The following MYDGF variants were observed in gnomAD, a reference collection of about 807,000 sequenced individuals.
MYDGF encodes the protein myeloid-derived growth factor.
A neutral mutation model predicts 24.2 loss-of-function variants in MYDGF; 29 were observed. That is an observed-to-expected ratio of 1.20 (90% CI 0.89 to 1.63). MYDGF has a LOEUF of 1.63. MYDGF is among the 40% of genes most tolerant of loss of function. The probability of loss-of-function intolerance (pLI) is 0.00; values close to 1 mark genes in which losing one functional copy is unlikely to be tolerated. For missense variants in MYDGF, 245 were observed against 234.8 expected (o/e 1.04, Z -0.29); for synonymous variants, 105 against 102.5 (o/e 1.02, Z -0.15).
chr19:4,660,618 C>T (rs761164820), intron 4 of MYDGF, 51 bp downstream of exon 4: 5 of 1,524,040 alleles, frequency 3.3e-6, no homozygotes, highest in Non-Finnish European at 4.5e-6. Context: ...TCACAGCTGC[C>T]CCAGTGCACA....
intron 4 of MYDGF, 90 bp from the exon 5 acceptor site, chr19:4,660,093 A>T: frequency 7.9e-7 from 1 of 1,273,640 alleles, no homozygotes; most frequent in East Asian, 2.3e-5. Context: ...AGAAGCACAG[A>T]CTAAAGCTTT....
chr19:4,658,617 CT>C (rs1343781851), intron 5 of MYDGF, among the ~76,000 whole-genome samples: 1 of 152,140 alleles, frequency 6.6e-6, no homozygotes, highest in Non-Finnish European at 1.5e-5. Context: ...TCCGATTCCT[CT>C]TTCTGCTTAG....
chr19:4,657,900 A>G lies in MYDGF; in HGVS notation c.*105T>C, dbSNP rs2088434928. 9.2e-7 allele frequency: 1 copy of G among 1,092,510 alleles called. No individual in the cohort carries two copies. Among genetic ancestry groups the G allele is most frequent in the Non-Finnish European group, 1.3e-6 (1 of 773,610 alleles). 67.7% of individuals were successfully genotyped at this position (1,092,510 alleles called of 1,614,324 possible). On this transcript the variant is annotated 3_prime_UTR_variant, in exon 6 of 6. Coordinates refer to ENST00000262947, the MANE Select transcript of MYDGF (RefSeq NM_019107.4). ...CAACGTCAGCCCAGGTAGAAAACTT[A>G]AGAGTCCCTCCTAGAAAACCAGTGA...
rs532021032 is a variant in MYDGF, at chr19:4,662,926, C to G, written c.287+1950G>C. ...CCAGGACTCTGCCCAGCACCTTCCTCCTCCTCCTACCCCAGCTAGCTGATT... is the reference window on the plus strand; with the variant it reads ...CCAGGACTCTGCCCAGCACCTTCCTGCTCCTCCTACCCCAGCTAGCTGATT... On this transcript the variant is annotated intron_variant, in intron 3 of 5. Coordinates refer to ENST00000262947, the MANE Select transcript of MYDGF (RefSeq NM_019107.4). Among the ~76,000 whole-genome samples the G allele has an allele frequency of 3.3e-3, 495 of 152,106 alleles. 2 individuals are homozygous for G. The highest frequency in any genetic ancestry group is 0.011 in the African/African-American group (473 of 41,452).
chr19:4,668,098 T>G (rs1018685852), intron 2 of MYDGF, among the ~76,000 whole-genome samples: 1 of 152,142 alleles, frequency 6.6e-6, no homozygotes, highest in Admixed American at 6.6e-5. Flanking sequence ...CAGCTAATTT[T>G]TGTATTTTTA....
rs760939182 is a variant in MYDGF at position 4,670,233 on chromosome 19, C to G, written c.102G>C (p.Glu34Asp). The change falls in exon 1 of 6, where the codon GAG becomes GAC. Residue 34 changes from glutamate (E) to aspartate (D), a missense_variant. Glu to Asp is a conservative substitution (Grantham distance 45, BLOSUM62 2). Transcript: ENST00000262947. ...GCACGTCAAACGCCACCGTCGTGGG[C>G]TCGGACACCGCCTCCGCCGGCCTCA... Reference protein sequence around the residue: ...VALRPAEAVSEPTTVAFDVRP... With the variant: ...VALRPAEAVSDPTTVAFDVRP... 1 of 1,570,752 alleles carries G rather than the reference C, an allele frequency of 6.4e-7. No homozygotes were observed. Among genetic ancestry groups the G allele is most frequent in the Admixed American group, 1.8e-5 (1 of 55,082 alleles).
chr19:4,661,732 C>A (rs1334945723), intron 3 of MYDGF, among the ~76,000 whole-genome samples: 2 of 152,104 alleles, frequency 1.3e-5, no homozygotes, highest in Non-Finnish European at 2.9e-5. Context: ...TAAGCCCTAG[C>A]ACTGCCAACA....
chr19:4,668,570 C>G (rs1405498055), intron 2 of MYDGF, 25 bp downstream of exon 2: 1 of 1,595,748 alleles, frequency 6.3e-7, no homozygotes, highest in South Asian at 1.1e-5. Context: ...TCACAGTAAG[C>G]TAGAGGGAAT....
At chr19:4,664,746 A>C in intron 3 of MYDGF, 130 bp downstream of exon 3, 2 of 997,014 alleles carry the variant, frequency 2.0e-6, no homozygotes, top group Non-Finnish European at 2.9e-6. Flanking sequence ...CTGCACGTGC[A>C]TGAGTCTCCC....
intron 1 of MYDGF, among the ~76,000 whole-genome samples, 156 bp downstream of exon 1, chr19:4,670,005 G>A (rs533319174): frequency 6.6e-6 from 1 of 151,782 alleles, no homozygotes; most frequent in African/African-American, 2.4e-5. Context: ...ACGGTCCCGC[G>A]CCCCCCACTC....
intron 2 of MYDGF, among the ~76,000 whole-genome samples, chr19:4,665,743 C>T (rs940595524): frequency 6.7e-6 from 1 of 148,298 alleles, no homozygotes; most frequent in Non-Finnish European, 1.5e-5. Flanking sequence ...ATGGCGTGTA[C>T]CCGGGAGGCG....
rs536403242 is a variant in MYDGF, at chr19:4,666,817, G to A, written c.225+1778C>T. Among the ~76,000 whole-genome samples, 3 of 152,182 alleles carry A rather than the reference G, an allele frequency of 2.0e-5. No homozygotes were observed. In the East Asian group the frequency reaches 5.8e-4, roughly 30 times the overall value. On this transcript the variant is annotated intron_variant, in intron 2 of 5. Coordinates refer to ENST00000262947, the MANE Select transcript of MYDGF (RefSeq NM_019107.4). ...CCGGTGGCTCACACCTGTAATCCCA[G>A]CACTTTGGGAGGCCGAGGCAGGCTG...
chr19:4,666,124 C>G (rs1481015108), intron 2 of MYDGF, among the ~76,000 whole-genome samples: 3 of 151,944 alleles, frequency 2.0e-5, no homozygotes, highest in African/African-American at 7.2e-5. Context: ...TCGAGACCAG[C>G]CTGGGCAACA....
intron 5 of MYDGF, among the ~76,000 whole-genome samples, chr19:4,658,898 G>A (rs779542556): frequency 6.6e-6 from 1 of 152,042 alleles, no homozygotes. Context: ...CTGCTCCTAA[G>A]TTCAAGAGAT....
chr19:4,665,997 G>A (rs1044716426), intron 2 of MYDGF, among the ~76,000 whole-genome samples: 4 of 151,806 alleles, frequency 2.6e-5, no homozygotes, highest in Admixed American at 1.3e-4. Context: ...CCAGGTTGTC[G>A]GTGGAGCTGC....
chr19:4,669,379 A>T (rs1015878266), intron 1 of MYDGF, among the ~76,000 whole-genome samples: 1 of 152,158 alleles, frequency 6.6e-6, no homozygotes, highest in Non-Finnish European at 1.5e-5. Context: ...TGAACCTGGG[A>T]GGCAGAGGTT....
At chr19:4,668,454 C>T in intron 2 of MYDGF, 141 bp downstream of exon 2, 1 of 651,390 alleles carries the variant, frequency 1.5e-6, no homozygotes, top group South Asian at 1.8e-5. Flanking sequence ...CAATACTCTC[C>T]CTTTTTATTG....
chr19:4,660,471 C>A (rs774212362), intron 4 of MYDGF, 198 bp downstream of exon 4: 72 of 565,006 alleles, frequency 1.3e-4, no homozygotes, highest in Non-Finnish European at 2.1e-4. Flanking sequence ...CCAGCAGCAA[C>A]AGGTTACCAA....
At chr19:4,668,715 G>T in intron 1 of MYDGF, 70 bp from the exon 2 acceptor site, 2 of 1,374,596 alleles carry the variant, frequency 1.5e-6, no homozygotes, top group Non-Finnish European at 1.0e-6. Flanking sequence ...ACGGGGTCTT[G>T]CTGTCACCCA....
Sources: gnomAD v4.1 joint callset for allele counts (sites outside exome capture counted in the v4.1 genomes callset) on GRCh38, gnomAD v4.1.1 for gene constraint, MANE v1.5 for transcripts, NCBI Gene and HGNC (gene_info 2026-07-23, HGNC 2026-07-21) for gene names.